Variants in SLC24A3 observed in about 807,000 individuals in gnomAD.
The protein encoded by SLC24A3 is sodium/potassium/calcium exchanger 3.
A neutral mutation model predicts 75.8 loss-of-function variants in SLC24A3; 28 were observed. That is an observed-to-expected ratio of 0.37 (90% CI 0.27 to 0.51). SLC24A3 has a LOEUF of 0.51. Ranked by LOEUF, SLC24A3 falls within the 20% of genes least tolerant of loss-of-function variation. The pLI is 0.94. For missense variants in SLC24A3, 663 were observed against 847.8 expected, an observed-to-expected ratio of 0.78 and a Z score of 2.71; for synonymous variants, 372 against 334.1, an observed-to-expected ratio of 1.11 and a Z score of -1.24.
intron 2 of SLC24A3, among the ~76,000 whole-genome samples, chr20:19,504,317 A>G (rs1417532497): frequency 6.6e-6 from 1 of 152,108 alleles, no homozygotes; most frequent in African/African-American, 2.4e-5. Context: ...GGTTACTTCC[A>G]CCTCTGGAAT....
intron 2 of SLC24A3, among the ~76,000 whole-genome samples, chr20:19,374,570 A>T (rs1220023771): frequency 6.6e-6 from 1 of 152,184 alleles, no homozygotes; most frequent in Non-Finnish European, 1.5e-5. Flanking sequence ...TTATGGTTTA[A>T]CAGCCCTTTG....
intron 6 of SLC24A3, among the ~76,000 whole-genome samples, chr20:19,639,555 A>C (rs1390635339): frequency 6.6e-6 from 1 of 152,252 alleles, no homozygotes; most frequent in African/African-American, 2.4e-5. Flanking sequence ...TCAGGAGCCC[A>C]GCTGGCTTCA....
chr20:19,275,302 C>T (rs1983450267), intron 1 of SLC24A3, among the ~76,000 whole-genome samples: 1 of 152,218 alleles, frequency 6.6e-6, no homozygotes, highest in Admixed American at 6.5e-5. Flanking sequence ...TCAGCATTCC[C>T]TGCAAGAGGA....
At chr20:19,551,605 C>T (rs551800067) in intron 3 of SLC24A3, among the ~76,000 whole-genome samples, 38 of 151,724 alleles carry the variant, frequency 2.5e-4, no homozygotes, top group Admixed American at 1.2e-3. Flanking sequence ...TCCTCATGTG[C>T]GGTTTCCTCC....
chr20:19,434,291 T>C (rs1385411219), intron 2 of SLC24A3, among the ~76,000 whole-genome samples: 1 of 152,178 alleles, frequency 6.6e-6, no homozygotes, highest in Non-Finnish European at 1.5e-5. Flanking sequence ...ATCAGCCCCT[T>C]TTGATCACTC....
chr20:19,240,060 C>G (rs1405126610), intron 1 of SLC24A3, among the ~76,000 whole-genome samples: 1 of 152,218 alleles, frequency 6.6e-6, no homozygotes, highest in Non-Finnish European at 1.5e-5. Context: ...ATACCTCCTT[C>G]TGTTAGTTTC....
At chr20:19,670,401 A>G (rs915644997) in intron 8 of SLC24A3, among the ~76,000 whole-genome samples, 4 of 152,208 alleles carry the variant, frequency 2.6e-5, no homozygotes, top group African/African-American at 9.7e-5. Flanking sequence ...CAACAAAAGC[A>G]AGGAATCTCA....
At chr20:19,225,556 A>T (rs774357010) in intron 1 of SLC24A3, among the ~76,000 whole-genome samples, 115 of 152,242 alleles carry the variant, frequency 7.6e-4, no homozygotes, top group Non-Finnish European at 1.4e-3. Context: ...GTGCAGAACA[A>T]TATATCACCC....
chr20:19,213,712 A>G (rs183625791), intron 1 of SLC24A3, among the ~76,000 whole-genome samples: 5 of 152,296 alleles, frequency 3.3e-5, no homozygotes, highest in African/African-American at 1.2e-4. Context: ...CTGCCCTTTA[A>G]CCCACAACTT....
At position 19,329,681 on chromosome 20, in the gene SLC24A3, C is replaced by T. The variant is rs546298012; in HGVS notation, c.271+48594C>T. On this transcript the variant is annotated intron_variant, in intron 2 of 16. Coordinates refer to ENST00000328041, the MANE Select transcript of SLC24A3 (RefSeq NM_020689.4). ...TATTGTGGATTTATTCTTCTGGGAACAGATAAGATCCCTCCTTCTGAATCT... is the reference window on the plus strand; with the variant it reads ...TATTGTGGATTTATTCTTCTGGGAATAGATAAGATCCCTCCTTCTGAATCT... Among the ~76,000 whole-genome samples, 131 of 152,312 alleles carry T rather than the reference C, an allele frequency of 8.6e-4. 1 individual carries two copies. The South Asian group carries it at 0.025, about 30-fold the overall frequency.
intron 2 of SLC24A3, among the ~76,000 whole-genome samples, chr20:19,433,675 A>G (rs1466733301): frequency 6.6e-6 from 1 of 152,202 alleles, no homozygotes; most frequent in Non-Finnish European, 1.5e-5. Flanking sequence ...GTATGGTAAG[A>G]CCAACAAATT....
At chr20:19,516,428 A>G (rs144964437) in intron 3 of SLC24A3, among the ~76,000 whole-genome samples, 56 of 152,296 alleles carry the variant, frequency 3.7e-4, no homozygotes, top group African/African-American at 1.2e-3. Flanking sequence ...AGCTCCCCAC[A>G]TTCAGTGGCA....
At chr20:19,286,390 T>G (rs1050882334) in intron 2 of SLC24A3, among the ~76,000 whole-genome samples, 5 of 151,984 alleles carry the variant, frequency 3.3e-5, no homozygotes, top group Non-Finnish European at 7.4e-5. Context: ...GCAGAAAACA[T>G]GCGTTCAGGG....
chr20:19,333,755 G>A (rs1001413025), intron 2 of SLC24A3, among the ~76,000 whole-genome samples: 3 of 151,772 alleles, frequency 2.0e-5, no homozygotes, highest in African/African-American at 7.3e-5. Context: ...AAAATGGAGG[G>A]GAAGGAGCGA....
chr20:19,694,585 G>A (rs1017253098), intron 13 of SLC24A3: 3 of 152,042 alleles, frequency 2.0e-5, no homozygotes, highest in Non-Finnish European at 4.4e-5. Context: ...TGCACCAAGA[G>A]CCACCTCCTA....
At chr20:19,699,323 G>A (rs780158141) in intron 15 of SLC24A3, among the ~76,000 whole-genome samples, 51 of 152,362 alleles carry the variant, frequency 3.3e-4, no homozygotes, top group South Asian at 4.1e-4. Flanking sequence ...GGCGGGGAGA[G>A]GGGGAGAGGG....
At chr20:19,378,422 G>T (rs1478918544) in intron 2 of SLC24A3, among the ~76,000 whole-genome samples, 1 of 152,176 alleles carries the variant, frequency 6.6e-6, no homozygotes, top group African/African-American at 2.4e-5. Flanking sequence ...GTCCTGCATG[G>T]AAAATAAAAC....
At chr20:19,503,014 G>A (rs1339523030) in intron 2 of SLC24A3, among the ~76,000 whole-genome samples, 1 of 146,200 alleles carries the variant, frequency 6.8e-6, no homozygotes, top group African/African-American at 2.6e-5. Flanking sequence ...GCAACAGAGT[G>A]AGACCTTGTC....
At chr20:19,649,643 G>C (rs1422911349) in intron 6 of SLC24A3, among the ~76,000 whole-genome samples, 1 of 150,864 alleles carries the variant, frequency 6.6e-6, no homozygotes, top group Admixed American at 6.6e-5. Flanking sequence ...TCTCTTTTTT[G>C]GCTACAATTT....
Sources: allele counts gnomAD v4.1 joint callset (sites outside exome capture counted in the v4.1 genomes callset), GRCh38; gene constraint gnomAD v4.1.1; transcripts MANE v1.5; gene names NCBI Gene and HGNC (gene_info 2026-07-23, HGNC 2026-07-21).